Variants in LAMP3 observed in about 807,000 individuals in gnomAD.
LAMP3 encodes the protein lysosome-associated membrane glycoprotein 3.
In LAMP3, 26 loss-of-function variants were observed where a neutral mutation model predicts 34.8. That is an observed-to-expected ratio of 0.75 (90% CI 0.55 to 1.04). The LOEUF is 1.04. Ranked by LOEUF, LAMP3 falls within the 50% of genes least tolerant of loss-of-function variation. LAMP3 has a pLI of 0.00. For missense variants in LAMP3, 495 were observed against 524.0 expected, an observed-to-expected ratio of 0.94 and a Z score of 0.54; for synonymous variants, 180 against 201.9, an observed-to-expected ratio of 0.89 and a Z score of 0.92.
At chr3:183,133,380 A>G (rs1719985182) in intron 5 of LAMP3, among the ~76,000 whole-genome samples, 1 of 152,190 alleles carries the variant, frequency 6.6e-6, no homozygotes, top group African/African-American at 2.4e-5. Context: ...TTTGAGACAG[A>G]GTCTCACTGT....
chr3:183,154,550 C>T (rs1206047500), intron 1 of LAMP3, among the ~76,000 whole-genome samples, 159 bp from the exon 2 acceptor site: 2 of 152,180 alleles, frequency 1.3e-5, no homozygotes, highest in Non-Finnish European at 2.9e-5. Flanking sequence ...GCAAACATCA[C>T]CAAAGATTCT....
At position 183,135,802 on chromosome 3, in the gene LAMP3, G is replaced by T; in HGVS notation, c.1032C>A (p.Ser344Arg). Residue 344 changes from serine to arginine, a missense_variant, in exon 5 of 6, where the codon AGC (serine) becomes AGA (arginine). Physicochemically the swap from Ser to Arg is moderately radical, Grantham distance 110. Transcript: ENST00000265598. The stretch of plus-strand genomic sequence containing the variant: ...CCTGCAGGTGGGCTGACAACTGGAG[G>T]CTCTGTTCACTCACGCACTTGAAGG... The part of the protein sequence containing the change: ...GHSFKCVSEQ[S>R]LQLSAHLQVK... 6.2e-7 allele frequency: 1 copy of T among 1,613,954 alleles called. No homozygotes were observed. The highest frequency in any genetic ancestry group is 1.3e-5 in the African/African-American group (1 of 75,046).
chr3:183,156,391 G>T (rs747197091), intron 1 of LAMP3, among the ~76,000 whole-genome samples: 2 of 80,328 alleles, frequency 2.5e-5, no homozygotes, highest in African/African-American at 8.5e-5. Flanking sequence ...ACAAACAGAC[G>T]ATGTCTTTAG....
At chr3:183,147,260 A>T (rs1032956359) in intron 3 of LAMP3, among the ~76,000 whole-genome samples, 3 of 152,028 alleles carry the variant, frequency 2.0e-5, no homozygotes, top group Non-Finnish European at 2.9e-5. Flanking sequence ...AGAAAAAAAA[A>T]ATATTGAACA....
intron 3 of LAMP3, among the ~76,000 whole-genome samples, chr3:183,143,040 A>T (rs1284995771): frequency 6.6e-6 from 1 of 152,172 alleles, no homozygotes; most frequent in Admixed American, 6.5e-5. Flanking sequence ...AGAGTCTGGA[A>T]GCTGTACTCA....
At chr3:183,148,513 AT>A (rs1379289640) in intron 3 of LAMP3, among the ~76,000 whole-genome samples, 44 of 152,346 alleles carry the variant, frequency 2.9e-4, no homozygotes, top group African/African-American at 1.0e-3. Flanking sequence ...TAATAATTTG[AT>A]TAAAAAAATT....
intron 5 of LAMP3, among the ~76,000 whole-genome samples, chr3:183,127,196 G>A (rs150209402): frequency 6.6e-6 from 1 of 152,182 alleles, no homozygotes; most frequent in East Asian, 1.9e-4. Flanking sequence ...GGGCAGTGGT[G>A]CGATCATAGC....
chr3:183,131,864 AC>A, intron 5 of LAMP3: 1 of 911,636 alleles, frequency 1.1e-6, no homozygotes. Flanking sequence ...ACCATGAATA[AC>A]ATCCTAAGCC....
At chr3:183,146,829 T>C (rs1720457452) in intron 3 of LAMP3, among the ~76,000 whole-genome samples, 1 of 151,504 alleles carries the variant, frequency 6.6e-6, no homozygotes, top group East Asian at 2.0e-4. Flanking sequence ...TGCCCGGCCC[T>C]CAAATTTTTA....
intron 3 of LAMP3, among the ~76,000 whole-genome samples, chr3:183,142,223 C>T (rs1720304969): frequency 6.6e-6 from 1 of 152,098 alleles, no homozygotes; most frequent in Admixed American, 6.5e-5. Flanking sequence ...GGTTACAAGG[C>T]CCCCGCCCCA....
At chr3:183,152,289 G>A (rs1720659660) in intron 3 of LAMP3, 86 bp downstream of exon 3, 3 of 1,386,012 alleles carry the variant, frequency 2.2e-6, no homozygotes, top group Admixed American at 2.4e-5. Flanking sequence ...TCAAACTGAA[G>A]TGTGGGGTTG....
chr3:183,163,319 T>C (rs1389072889), upstream of LAMP3, among the ~76,000 whole-genome samples: 2 of 140,372 alleles, frequency 1.4e-5, no homozygotes, highest in Non-Finnish European at 3.0e-5. Flanking sequence ...TGTTTTGTTT[T>C]TTGAGACAAA....
upstream of LAMP3, among the ~76,000 whole-genome samples, chr3:183,163,222 C>G (rs1157770355): frequency 6.9e-6 from 1 of 145,306 alleles, no homozygotes; most frequent in East Asian, 2.1e-4. Context: ...TCCCAAAGTG[C>G]TGGGATTATA....
chr3:183,144,129 C>G (rs1053484283), intron 3 of LAMP3, among the ~76,000 whole-genome samples: 1 of 152,212 alleles, frequency 6.6e-6, no homozygotes, highest in African/African-American at 2.4e-5. Flanking sequence ...TTTCGCTCAG[C>G]ATTGTTGTGA....
chr3:183,142,274 G>A (rs563069295), intron 3 of LAMP3, among the ~76,000 whole-genome samples: 6 of 152,210 alleles, frequency 3.9e-5, no homozygotes, highest in Admixed American at 6.5e-5. Context: ...GTTTTAAGCA[G>A]GGCAGTGACA....
chr3:183,161,193 T>A (rs1442006146), intron 1 of LAMP3, among the ~76,000 whole-genome samples: 1 of 152,128 alleles, frequency 6.6e-6, no homozygotes, highest in Admixed American at 6.6e-5. Context: ...AAGGCCTCCC[T>A]GCTGGGAAGG....
intron 3 of LAMP3, among the ~76,000 whole-genome samples, chr3:183,143,711 A>C (rs983562205): frequency 6.6e-6 from 1 of 152,212 alleles, no homozygotes; most frequent in African/African-American, 2.4e-5. Flanking sequence ...CCAAGAAAAA[A>C]AAAGATTCCA....
Position 183,127,329 on chromosome 3 carries a change from C to G in LAMP3, c.1118-3115G>C, listed in dbSNP as rs1046068128. On this transcript the variant is annotated intron_variant, in intron 5 of 5. Transcript: ENST00000265598. ...TTAACTTTTTTGAAGAGATGGGGTC[C>G]TTACTATGTTGCTCAGGCTGGTCTT... Among the ~76,000 whole-genome samples, 4 of 152,120 alleles carry G rather than the reference C, an allele frequency of 2.6e-5. No individual in the cohort carries two copies. The East Asian group carries it at 7.7e-4, about 29-fold the overall frequency.
intron 5 of LAMP3, 27 bp from the exon 6 acceptor site, chr3:183,124,241 G>A (rs544748742): frequency 1.3e-6 from 2 of 1,510,346 alleles, no homozygotes; most frequent in South Asian, 2.7e-5. Flanking sequence ...ATACAATACA[G>A]TGGGTAAGGT....
Sources: gnomAD v4.1 joint callset for allele counts (sites outside exome capture counted in the v4.1 genomes callset) on GRCh38, gnomAD v4.1.1 for gene constraint, MANE v1.5 for transcripts, NCBI Gene and HGNC (gene_info 2026-07-23, HGNC 2026-07-21) for gene names.